Variants in USP42 observed in about 807,000 individuals in gnomAD.
USP42 encodes ubiquitin specific peptidase 42.
Under a neutral mutation model 113.0 loss-of-function variants are expected in USP42, and 23 were observed. The observed-to-expected ratio is 0.20, with a 90% CI of 0.15 to 0.29. The LOEUF (loss-of-function observed/expected upper bound fraction) is 0.29, where lower values mean the gene tolerates loss of function less well. USP42 is among the 10% of genes least tolerant of loss of function. USP42 has a pLI of 1.00. For synonymous variants in USP42, 933 were observed against 699.0 expected (o/e 1.33, Z -5.28); for missense variants, 2,174 against 1,779.8 (o/e 1.22, Z -3.99).
chr7:6,102,936 C>T (rs763217991), upstream of USP42, among the ~76,000 whole-genome samples: 14 of 150,696 alleles, frequency 9.3e-5, no homozygotes, highest in South Asian at 4.2e-4. Context: ...AATTGTTGAG[C>T]GAAGAAAGGC....
intron 6 of USP42, 145 bp downstream of exon 6, chr7:6,140,340 C>G (rs1781368662): frequency 1.4e-6 from 1 of 729,798 alleles, no homozygotes; most frequent in Admixed American, 2.9e-5. Context: ...CAGAGGCAGC[C>G]TCGGTGCCAG....
chr7:6,133,929 C>T (rs572111405), intron 3 of USP42, among the ~76,000 whole-genome samples: 68 of 143,502 alleles, frequency 4.7e-4, no homozygotes, highest in African/African-American at 1.6e-3. Context: ...CTTGCTCTGT[C>T]GCCCAGGCTG....
chr7:6,108,940 G>C (rs546168795), intron 1 of USP42, among the ~76,000 whole-genome samples: 5 of 152,182 alleles, frequency 3.3e-5, no homozygotes, highest in Non-Finnish European at 5.9e-5. Context: ...TTCTCCACAT[G>C]TATGGAAAGC....
At chr7:6,117,582 G>C (rs1779982469) in intron 3 of USP42, among the ~76,000 whole-genome samples, 1 of 152,174 alleles carries the variant, frequency 6.6e-6, no homozygotes, top group Non-Finnish European at 1.5e-5. Context: ...GCTTGGTCCT[G>C]GGGTGGGTGT....
In USP42 at chr7:6,139,039, C is replaced by T; in HGVS notation, c.554-53C>T. On this transcript the variant is annotated intron_variant, in intron 4 of 17. Transcript: ENST00000306177. This position sits in a 1 kb window ranked among gnomAD's most constrained non-coding sequence, Gnocchi z 4.5. ...ATAAGATATATTTTGGGGGGTACAA[C>T]TTAGGCTTATTACGTGTAATGATAA... 8.0e-7 allele frequency: 1 copy of T among 1,249,430 alleles called. No homozygotes were observed. Among genetic ancestry groups the T allele is most frequent in the Non-Finnish European group, 1.1e-6 (1 of 886,490 alleles). The allele number at this position is 1,249,430 out of a possible 1,614,324, so 77.4% of individuals were successfully genotyped here. A position where few individuals can be genotyped will look rare whatever the true frequency, so the allele number is the denominator to read the frequency against.
upstream of USP42, among the ~76,000 whole-genome samples, chr7:6,104,106 G>A (rs1299433973): frequency 1.3e-5 from 2 of 151,164 alleles, no homozygotes; most frequent in Non-Finnish European, 2.9e-5. Flanking sequence ...ACAGACTCTC[G>A]CTCTGTCGCC....
intron 3 of USP42, among the ~76,000 whole-genome samples, chr7:6,131,194 T>C (rs999904671): frequency 6.6e-6 from 1 of 152,134 alleles, no homozygotes; most frequent in African/African-American, 2.4e-5. Flanking sequence ...ATCTTTAGGA[T>C]GTCAAAACAT....
intron 1 of USP42, among the ~76,000 whole-genome samples, chr7:6,109,244 A>G (rs1478612589): frequency 6.6e-6 from 1 of 152,140 alleles, no homozygotes; most frequent in African/African-American, 2.4e-5. Context: ...GCAGGGACAA[A>G]AGAAAAAAAA....
intron 17 of USP42, among the ~76,000 whole-genome samples, chr7:6,160,323 A>C (rs1163710856): frequency 1.3e-5 from 2 of 152,120 alleles, no homozygotes; most frequent in African/African-American, 4.8e-5. Context: ...ATGGAGGTGG[A>C]GGAGGCATCT....
At chr7:6,105,867 A>G (rs1779251398) in intron 1 of USP42, among the ~76,000 whole-genome samples, 1 of 152,074 alleles carries the variant, frequency 6.6e-6, no homozygotes, top group South Asian at 2.1e-4. Context: ...TTTGTTAATG[A>G]CTCTTAGGAG....
chr7:6,139,109 C>G lies in USP42; in HGVS notation c.571C>G (p.Arg191Gly), dbSNP rs1240951945. 6 of 1,608,298 alleles carry G rather than the reference C, an allele frequency of 3.7e-6. No homozygotes were observed. The highest frequency in any genetic ancestry group is 5.1e-6 in the Non-Finnish European group (6 of 1,177,322). Residue 191 changes from arginine (R) to glycine (G), a missense_variant, in exon 5 of 18, where the codon CGT becomes GGT. By Grantham distance (125) the Arg-to-Gly change is moderately radical. Coordinates refer to ENST00000306177, the MANE Select transcript of USP42 (RefSeq NM_032172.3). The surrounding 1 kb of genome is among the most constrained non-coding windows in gnomAD (Gnocchi z 4.5). The part of the protein sequence containing the change: ...NEMRRIARHF[R>G]FGNQEDAHEF... ...TTTTACAGGTATAGCTAGGCACTTC[C>G]GTTTTGGAAACCAAGAAGATGCCCA... is the stretch of plus-strand genomic sequence containing the variant.
At position 6,149,659 on chromosome 7, in the gene USP42, C is replaced by A. The variant is rs1448208833; in HGVS notation, c.1463C>A (p.Ser488Tyr). The A allele has an allele frequency of 1.2e-6, 2 of 1,613,942 alleles. No individual in the cohort carries two copies. The highest frequency in any genetic ancestry group is 1.1e-5 in the South Asian group (1 of 91,074). The change falls in exon 13 of 18, where the codon TCC (serine) becomes TAC (tyrosine). Residue 488 changes from serine (S) to tyrosine (Y), a missense_variant. By Grantham distance (144) the Ser-to-Tyr change is moderately radical. Transcript: ENST00000306177. Reference protein sequence around the residue: ...SSSMSSPNGNSSVNRASPVNA... With the variant: ...SSSMSSPNGNYSVNRASPVNA... ...TCCATGTCGAGTCCTAACGGGAATT[C>A]CAGTGTCAACAGGGCTAGTCCTGTT...
intron 12 of USP42, 99 bp from the exon 13 acceptor site, chr7:6,149,484 A>G: frequency 6.8e-7 from 1 of 1,465,680 alleles, no homozygotes; most frequent in South Asian, 1.4e-5. Flanking sequence ...CCTGAAAAAA[A>G]AAAAAAGCAA....
chr7:6,135,665 A>AAG (rs1562829766), intron 3 of USP42, among the ~76,000 whole-genome samples, 176 bp from the exon 4 acceptor site: 1 of 147,034 alleles, frequency 6.8e-6, no homozygotes, highest in African/African-American at 2.4e-5. Flanking sequence ...AAAAAAAAAA[A>AAG]AAAAAAAAAA....
chr7:6,136,669 A>T (rs530062840), intron 4 of USP42, among the ~76,000 whole-genome samples: 3 of 152,182 alleles, frequency 2.0e-5, no homozygotes, highest in Admixed American at 2.0e-4. Flanking sequence ...ATACTTTACT[A>T]TACGCAGTGA....
chr7:6,104,789 C>G (rs1032378865), upstream of USP42: 2 of 151,860 alleles, frequency 1.3e-5, no homozygotes, highest in African/African-American at 2.4e-5. Context: ...CCCACACTCG[C>G]CGTGCTTGTT....
chr7:6,144,228 T>G (rs1308367370), intron 9 of USP42, 32 bp downstream of exon 9: 2 of 1,447,116 alleles, frequency 1.4e-6, no homozygotes, highest in Non-Finnish European at 1.9e-6. Context: ...TCATGTTTTA[T>G]GTCGAGCCTT....
At chr7:6,090,395 A>C in the USP42 span, among the ~76,000 whole-genome samples, 1 of 137,694 alleles carries the variant, frequency 7.3e-6, no homozygotes, top group South Asian at 2.1e-4. Context: ...ATATAGGTTT[A>C]TATTTATATA....
chr7:6,129,878 G>C (rs553044608), intron 3 of USP42, among the ~76,000 whole-genome samples: 1 of 149,272 alleles, frequency 6.7e-6, no homozygotes, highest in Admixed American at 6.6e-5. Context: ...AAAAAAAAAG[G>C]TTTCTTTTAT....
Sources: gnomAD v4.1 joint callset for allele counts (sites outside exome capture counted in the v4.1 genomes callset) on GRCh38, gnomAD v4.1.1 for gene constraint, Gnocchi (gnomAD v3.1) non-coding constraint, MANE v1.5 for transcripts, NCBI Gene and HGNC (gene_info 2026-07-23, HGNC 2026-07-21) for gene names.